Variants in PCSK6 observed in about 807,000 individuals in gnomAD.
PCSK6 encodes paired basic amino acid cleaving enzyme 4.
Under a neutral mutation model 123.3 loss-of-function variants are expected in PCSK6, and 85 were observed. The ratio of observed to expected loss-of-function variants is 0.69; its 90% confidence interval spans 0.58 to 0.83. The LOEUF is 0.83. Ranked by LOEUF, PCSK6 falls within the 40% of genes least tolerant of loss-of-function variation. PCSK6 has a pLI of 0.00. For synonymous variants in PCSK6, 508 were observed against 516.0 expected (o/e 0.98, Z 0.21); for missense variants, 1,191 against 1,282.3 (o/e 0.93, Z 1.09).
At chr15:101,488,374 C>A (rs987107982) in intron 1 of PCSK6, among the ~76,000 whole-genome samples, 1 of 152,156 alleles carries the variant, frequency 6.6e-6, no homozygotes, top group Admixed American at 6.5e-5. Flanking sequence ...CCCCTCAGCC[C>A]GGTAGCTGGT....
At chr15:101,388,620 T>C (rs1473908467) in intron 9 of PCSK6, among the ~76,000 whole-genome samples, 2 of 152,216 alleles carry the variant, frequency 1.3e-5, no homozygotes, top group Non-Finnish European at 2.9e-5. Flanking sequence ...AGGCAGGCCT[T>C]GGACTCTGGC....
chr15:101,398,385 TA>T lies in PCSK6; in HGVS notation c.996+18del, dbSNP rs2042480213. Reference sequence around the variant, plus strand: ...ACCCTTGTCCCAGAGCGCTCCCCTGTAGCCCTGGTTACTCACACCTTTTTAA... The same window carrying T: ...ACCCTTGTCCCAGAGCGCTCCCCTGTGCCCTGGTTACTCACACCTTTTTAA... On this transcript the variant is annotated intron_variant, in intron 7 of 21. Transcript: ENST00000611716. This position sits in a 1 kb window ranked among gnomAD's most constrained non-coding sequence, Gnocchi z 4.6. 1 of 1,597,900 alleles carries T rather than the reference TA, an allele frequency of 6.3e-7. No individual in the cohort carries two copies. Among genetic ancestry groups the T allele is most frequent in the Non-Finnish European group, 8.6e-7 (1 of 1,168,764 alleles).
At chr15:101,458,850 G>C (rs567791713) in intron 1 of PCSK6, among the ~76,000 whole-genome samples, 127 of 152,284 alleles carry the variant, frequency 8.3e-4, no homozygotes, top group African/African-American at 3.0e-3. Context: ...GTATACCTCT[G>C]TCAGCTTCTA....
chr15:101,484,761 T>C (rs1215061948), intron 1 of PCSK6, among the ~76,000 whole-genome samples: 1 of 152,216 alleles, frequency 6.6e-6, no homozygotes, highest in Non-Finnish European at 1.5e-5. Flanking sequence ...CTTTTTTCTC[T>C]CTCAACACTA....
intron 6 of PCSK6, among the ~76,000 whole-genome samples, chr15:101,411,472 C>G (rs2055682175): frequency 1.3e-5 from 2 of 152,152 alleles, no homozygotes; most frequent in Admixed American, 6.5e-5. Flanking sequence ...ACAGAAAGAC[C>G]CCTGCCGTCA....
In PCSK6 at chr15:101,324,948, G is replaced by A. The variant is rs772361918; in HGVS notation, c.2279C>T (p.Ala760Val). The change falls in exon 17 of 22, where the codon GCT (alanine) becomes GTT (valine). Residue 760 changes from alanine (A) to valine (V), a missense_variant. Transcript: ENST00000611716. Reference sequence around the variant, plus strand: ...GCGGCAAGACAGGCACTGCGTCGCAGCTCTGCTGGAGCAGGTCTCACACCC... The same window carrying A: ...GCGGCAAGACAGGCACTGCGTCGCAACTCTGCTGGAGCAGGTCTCACACCC... Reference protein sequence around the residue: ...HKGCETCSSRAATQCLSCRRG... With the variant: ...HKGCETCSSRVATQCLSCRRG... 7 of 1,613,370 alleles carry A rather than the reference G, an allele frequency of 4.3e-6. No homozygotes were observed. The South Asian group carries it at 7.7e-5, about 18-fold the overall frequency.
At chr15:101,440,338 C>T (rs2056722246) in intron 2 of PCSK6, among the ~76,000 whole-genome samples, 1 of 152,248 alleles carries the variant, frequency 6.6e-6, no homozygotes, top group South Asian at 2.1e-4. Context: ...AGGAAAATGA[C>T]TGTACCATTC....
intron 2 of PCSK6, among the ~76,000 whole-genome samples, chr15:101,436,291 C>T (rs1464680968): frequency 2.0e-5 from 3 of 152,298 alleles, no homozygotes; most frequent in Middle Eastern, 3.4e-3. Context: ...CCTCCCCCAG[C>T]GGTCCAGGGG....
At chr15:101,356,388 C>T (rs2041041339) in intron 13 of PCSK6, among the ~76,000 whole-genome samples, 2 of 151,462 alleles carry the variant, frequency 1.3e-5, no homozygotes, top group South Asian at 4.2e-4. Context: ...GGGCTGGGTG[C>T]AGTGGCTCAC....
intron 1 of PCSK6, among the ~76,000 whole-genome samples, chr15:101,451,617 A>G (rs767402494): frequency 6.6e-6 from 1 of 152,176 alleles, no homozygotes; most frequent in African/African-American, 2.4e-5. Flanking sequence ...CAGATGTTCC[A>G]AACCCCGTCC....
chr15:101,429,058 G>C (rs2643351), intron 5 of PCSK6, among the ~76,000 whole-genome samples: 1 of 152,180 alleles, frequency 6.6e-6, no homozygotes, highest in Non-Finnish European at 1.5e-5. Context: ...CATTGCCTGC[G>C]CACCCGTTTG....
intron 1 of PCSK6, among the ~76,000 whole-genome samples, chr15:101,483,802 A>G (rs1304627016): frequency 6.6e-6 from 1 of 152,248 alleles, no homozygotes; most frequent in African/African-American, 2.4e-5. Flanking sequence ...TGCGACCTGC[A>G]GCCAGACATT....
intron 18 of PCSK6, among the ~76,000 whole-genome samples, chr15:101,320,751 G>C (rs1000615558): frequency 4.6e-5 from 7 of 152,224 alleles, no homozygotes; most frequent in Non-Finnish European, 8.8e-5. Context: ...CTGCTCTCTT[G>C]CTGCTTTAAC....
chr15:101,309,635 G>A (rs118114074), intron 20 of PCSK6, among the ~76,000 whole-genome samples: 1,966 of 152,352 alleles, frequency 0.013, 23 homozygotes, highest in Non-Finnish European at 0.019. Context: ...CGCAGCATGC[G>A]CATTGGCAGA....
intron 1 of PCSK6, among the ~76,000 whole-genome samples, chr15:101,467,103 G>GCA (rs2057480212): frequency 1.3e-5 from 2 of 148,978 alleles, no homozygotes; most frequent in Admixed American, 6.6e-5. Flanking sequence ...CCCCATACAG[G>GCA]TAAAAAAAAT....
At chr15:101,391,204 A>T (rs2042224522) in intron 8 of PCSK6, among the ~76,000 whole-genome samples, 1 of 152,038 alleles carries the variant, frequency 6.6e-6, no homozygotes, top group African/African-American at 2.4e-5. Context: ...TCCCTCTCTG[A>T]CTCCAGCATC....
At chr15:101,402,182 T>C (rs1395269901) in intron 6 of PCSK6, among the ~76,000 whole-genome samples, 1 of 146,176 alleles carries the variant, frequency 6.8e-6, no homozygotes, top group African/African-American at 2.6e-5. Context: ...GGATTCCCTA[T>C]TTAATAAATG....
chr15:101,445,828 C>T (rs1240732479), intron 1 of PCSK6, among the ~76,000 whole-genome samples: 2 of 152,254 alleles, frequency 1.3e-5, no homozygotes, highest in Non-Finnish European at 2.9e-5. Context: ...TGCAGCAGTG[C>T]TGACCCTTAG....
intron 1 of PCSK6, among the ~76,000 whole-genome samples, chr15:101,454,361 T>C (rs1261329414): frequency 6.6e-6 from 1 of 152,012 alleles, no homozygotes; most frequent in Non-Finnish European, 1.5e-5. Context: ...AGCCAAGGGG[T>C]GGGAGCAACC....
Sources: allele counts gnomAD v4.1 joint callset (sites outside exome capture counted in the v4.1 genomes callset), GRCh38; gene constraint gnomAD v4.1.1; non-coding constraint Gnocchi (gnomAD v3.1); transcripts MANE v1.5; gene names NCBI Gene and HGNC (gene_info 2026-07-23, HGNC 2026-07-21).